The following FRAS1 variants were observed in gnomAD, a reference collection of about 807,000 sequenced individuals.
The protein encoded by FRAS1 is extracellular matrix organizing protein FRAS1.
Under a neutral mutation model 435.2 loss-of-function variants are expected in FRAS1, and 290 were observed. The observed-to-expected ratio is 0.67, with a 90% CI of 0.61 to 0.73. FRAS1 has a LOEUF of 0.73. Among genes scored for constraint, FRAS1 ranks in the 30% least tolerant of loss-of-function variants. FRAS1 has a pLI of 0.00. For synonymous variants in FRAS1, 1,800 were observed against 1,851.0 expected (o/e 0.97, Z 0.71); for missense variants, 4,860 against 5,001.5 (o/e 0.97, Z 0.85).
intron 2 of FRAS1, among the ~76,000 whole-genome samples, chr4:78,097,864 G>T (rs936194228): frequency 6.6e-6 from 1 of 152,016 alleles, no homozygotes; most frequent in Non-Finnish European, 1.5e-5. Flanking sequence ...AAGGTAAAAT[G>T]AGGCCTTATA....
At chr4:78,079,352 C>A (rs568395923) in intron 2 of FRAS1, among the ~76,000 whole-genome samples, 3 of 152,046 alleles carry the variant, frequency 2.0e-5, no homozygotes, top group South Asian at 2.1e-4. Flanking sequence ...AAGAATGGAC[C>A]AGATAGATGG....
intron 47 of FRAS1, among the ~76,000 whole-genome samples, chr4:78,461,970 A>T (rs1719379611): frequency 6.6e-6 from 1 of 152,128 alleles, no homozygotes; most frequent in African/African-American, 2.4e-5. Context: ...CGGGAAAGGG[A>T]AGGATGGAAG....
At chr4:78,305,145 G>T (rs1728643308) in intron 14 of FRAS1, among the ~76,000 whole-genome samples, 1 of 151,912 alleles carries the variant, frequency 6.6e-6, no homozygotes, top group South Asian at 2.1e-4. Flanking sequence ...GGAGCAGGTT[G>T]TTCAGTTTCC....
At chr4:78,252,234 C>T (rs1452212078) in intron 4 of FRAS1, among the ~76,000 whole-genome samples, 158 bp from the exon 5 acceptor site, 1 of 152,152 alleles carries the variant, frequency 6.6e-6, no homozygotes, top group African/African-American at 2.4e-5. Context: ...TGAAGCCTTG[C>T]AAATTCCACT....
intron 14 of FRAS1, among the ~76,000 whole-genome samples, chr4:78,302,544 A>T (rs1467605306): frequency 6.6e-6 from 1 of 152,130 alleles, no homozygotes; most frequent in African/African-American, 2.4e-5. Context: ...AATGATTGCC[A>T]TTCTAACTGG....
At chr4:78,484,147 A>G (rs767684371) in intron 58 of FRAS1, among the ~76,000 whole-genome samples, 13 of 152,080 alleles carry the variant, frequency 8.5e-5, no homozygotes, top group Non-Finnish European at 1.5e-4. Context: ...GAATCATATA[A>G]TATCTATGAT....
chr4:78,344,869 A>G (rs575853819), intron 20 of FRAS1, among the ~76,000 whole-genome samples: 141 of 152,322 alleles, frequency 9.3e-4, no homozygotes, highest in African/African-American at 3.1e-3. Flanking sequence ...ATTTACTTTA[A>G]TCTTTTCCAA....
rs764234433 is a variant in FRAS1, at chr4:78,540,584, C to T, written c.11499C>T (p.Asp3833=). Residue 3833 remains aspartate (D), a synonymous_variant, in exon 74 of 74, where the codon GAC becomes GAT. Transcript: ENST00000512123. ...AGGTCATCTACATCATTGGCCCTGA[C>T]ACCATCTCAGGGCCCCGGGTCCAGC... ...YLQVIYIIGP[D]TISGPRVQRS... 1 of 1,527,456 alleles carries T rather than the reference C, an allele frequency of 6.5e-7. No homozygotes were observed. The highest frequency in any genetic ancestry group is 2.3e-5 in the East Asian group (1 of 44,186). 94.6% of individuals were successfully genotyped at this position (1,527,456 alleles called of 1,614,324 possible). A position where few individuals can be genotyped will look rare whatever the true frequency, so the allele number is the denominator to read the frequency against.
chr4:78,495,887 T>A (rs1256112798), intron 59 of FRAS1, among the ~76,000 whole-genome samples: 1 of 152,068 alleles, frequency 6.6e-6, no homozygotes, highest in Non-Finnish European at 1.5e-5. Flanking sequence ...ACAAAAGATG[T>A]GGTAGAGGAA....
chr4:78,113,922 G>T (rs573084461), intron 2 of FRAS1, among the ~76,000 whole-genome samples: 1 of 152,160 alleles, frequency 6.6e-6, no homozygotes, highest in Non-Finnish European at 1.5e-5. Flanking sequence ...GTCCTGAATG[G>T]TATTGCCTAG....
intron 29 of FRAS1, among the ~76,000 whole-genome samples, chr4:78,400,487 C>A (rs1223170180): frequency 6.6e-6 from 1 of 152,088 alleles, no homozygotes; most frequent in Non-Finnish European, 1.5e-5. Flanking sequence ...GAGACTTAGT[C>A]TTTCTAAATA....
intron 41 of FRAS1, among the ~76,000 whole-genome samples, chr4:78,444,964 T>G (rs1456282766): frequency 6.6e-6 from 1 of 152,224 alleles, no homozygotes; most frequent in Non-Finnish European, 1.5e-5. Flanking sequence ...ATGCAGAGGT[T>G]CCCTTAAGAA....
At chr4:78,337,842 T>C (rs1461310475) in intron 20 of FRAS1, 25 bp downstream of exon 20, 2 of 1,613,396 alleles carry the variant, frequency 1.2e-6, no homozygotes, top group Admixed American at 3.3e-5. Context: ...TGTGGACTCC[T>C]CGGAAATCAC....
At position 78,507,430 on chromosome 4, in the gene FRAS1, A is replaced by T; in HGVS notation, c.9326A>T (p.His3109Leu). Residue 3109 changes from histidine (H) to leucine (L), a missense_variant, in exon 62 of 74, where the codon CAT becomes CTT. Transcript: ENST00000512123. ...RVLKFSPGVD[H>L]IFFKVEILSN... Reference sequence around the variant, plus strand: ...TCTGTCCTTGGCGAAGGTGTGGATCATATCTTTTTTAAAGTTGAGATCCTG... The same window carrying T: ...TCTGTCCTTGGCGAAGGTGTGGATCTTATCTTTTTTAAAGTTGAGATCCTG... The T allele has an allele frequency of 6.2e-7, 1 of 1,609,958 alleles. No individual in the cohort carries two copies. Among genetic ancestry groups the T allele is most frequent in the Non-Finnish European group, 8.5e-7 (1 of 1,178,356 alleles).
At chr4:78,206,050 C>T (rs1480065451) in intron 2 of FRAS1, among the ~76,000 whole-genome samples, 2 of 152,186 alleles carry the variant, frequency 1.3e-5, no homozygotes, top group East Asian at 1.9e-4. Flanking sequence ...TGAGTAACGG[C>T]CCCAAGTTGT....
intron 2 of FRAS1, among the ~76,000 whole-genome samples, chr4:78,154,116 T>C (rs1720783774): frequency 2.0e-5 from 3 of 152,154 alleles, no homozygotes; most frequent in Admixed American, 6.6e-5. Flanking sequence ...TTTTTTTTCT[T>C]TTTGCTATTT....
At chr4:78,315,515 G>A (rs1017647525) in intron 15 of FRAS1, 79 bp from the exon 16 acceptor site, 1 of 1,418,722 alleles carries the variant, frequency 7.0e-7, no homozygotes. Context: ...TACCCATTGT[G>A]GATATTGTAA....
intron 18 of FRAS1, among the ~76,000 whole-genome samples, chr4:78,324,708 CTTTTTTTTTTT>C (rs139942839): frequency 1.1e-5 from 1 of 88,122 alleles, no homozygotes; most frequent in Non-Finnish European, 2.1e-5. Context: ...GCTCAGATTC[CTTTTTTTTTTT>C]TTTTTTTTTT....
chr4:78,077,285 G>A (rs1440313774), intron 2 of FRAS1, among the ~76,000 whole-genome samples: 1 of 151,974 alleles, frequency 6.6e-6, no homozygotes, highest in Non-Finnish European at 1.5e-5. Context: ...TGGGAGGATC[G>A]CTTGATCCCC....
Sources: allele counts gnomAD v4.1 joint callset (sites outside exome capture counted in the v4.1 genomes callset), GRCh38; gene constraint gnomAD v4.1.1; transcripts MANE v1.5; gene names NCBI Gene and HGNC (gene_info 2026-07-23, HGNC 2026-07-21).